The following BEND4 variants were observed in gnomAD, a reference collection of about 807,000 sequenced individuals.
BEND4 encodes BEN domain-containing protein 4.
A neutral mutation model predicts 54.7 loss-of-function variants in BEND4; 27 were observed. The observed-to-expected ratio is 0.49, with a 90% CI of 0.36 to 0.68. The LOEUF (loss-of-function observed/expected upper bound fraction) is 0.68, where lower values mean the gene tolerates loss of function less well. Among genes scored for constraint, BEND4 ranks in the 30% least tolerant of loss-of-function variants. The probability of loss-of-function intolerance (pLI) is 0.00; values close to 1 mark genes in which losing one functional copy is unlikely to be tolerated. For missense variants in BEND4, 702 were observed against 697.2 expected (o/e 1.01, Z -0.08); for synonymous variants, 327 against 299.5 (o/e 1.09, Z -0.95).
At chr4:42,144,056 C>A in intron 2 of BEND4, 62 bp from the exon 3 acceptor site, 2 of 1,193,834 alleles carry the variant, frequency 1.7e-6, no homozygotes, top group South Asian at 1.3e-5. Context: ...AAATAAAGTC[C>A]TCAATTTTCA....
At chr4:42,131,242 A>G (rs1171751462) in intron 3 of BEND4, among the ~76,000 whole-genome samples, 2 of 152,184 alleles carry the variant, frequency 1.3e-5, no homozygotes, top group Non-Finnish European at 2.9e-5. Context: ...AATAAAATAA[A>G]TTTACATTAA....
At chr4:42,128,362 G>A (rs1030434748) in intron 3 of BEND4, among the ~76,000 whole-genome samples, 2 of 152,184 alleles carry the variant, frequency 1.3e-5, no homozygotes, top group Non-Finnish European at 2.9e-5. Context: ...AGTGGCTCAC[G>A]CCTGTTATCC....
intron 3 of BEND4, among the ~76,000 whole-genome samples, chr4:42,142,565 G>A (rs1720925774): frequency 9.3e-5 from 14 of 150,752 alleles, no homozygotes; most frequent in Admixed American, 8.6e-4. Context: ...CCCAGGAGAC[G>A]GAGGTTGCAG....
chr4:42,118,960 G>A (rs747214843), intron 5 of BEND4, among the ~76,000 whole-genome samples: 34 of 152,164 alleles, frequency 2.2e-4, no homozygotes, highest in Non-Finnish European at 4.1e-4. Flanking sequence ...CGTCTCAGGT[G>A]GCTTCCTGAA....
intron 3 of BEND4, among the ~76,000 whole-genome samples, chr4:42,129,978 G>A (rs996490013): frequency 3.3e-5 from 5 of 152,098 alleles, no homozygotes; most frequent in African/African-American, 1.2e-4. Context: ...CAGAATGGGA[G>A]AAAATTTCTG....
At position 42,152,188 on chromosome 4, in the gene BEND4, C is replaced by A; in HGVS notation, c.-45G>T. 1 of 1,235,144 alleles carries A rather than the reference C, an allele frequency of 8.1e-7. No homozygotes were observed. Among genetic ancestry groups the A allele is most frequent in the Admixed American group, 4.3e-5 (1 of 23,366 alleles). The allele number at this position is 1,235,144 out of a possible 1,614,324, so 76.5% of individuals were successfully genotyped here. A position where few individuals can be genotyped will look rare whatever the true frequency, so the allele number is the denominator to read the frequency against. Reference sequence around the variant, plus strand: ...CCCTCGGAGCACGTCCCCTCCCCGCCGGGCGCCGGGCTCCGAGGGTGCCTC... The same window carrying A: ...CCCTCGGAGCACGTCCCCTCCCCGCAGGGCGCCGGGCTCCGAGGGTGCCTC... On this transcript the variant is annotated 5_prime_UTR_variant, in exon 2 of 6. Coordinates refer to ENST00000502486, the MANE Select transcript of BEND4 (RefSeq NM_207406.4).
In BEND4 at chr4:42,115,831, T is replaced by C. The variant is rs1472471563; in HGVS notation, c.*1687A>G. ...CTAATTTGCCCCAAATAGAATTGAATATTGGTTCTCCCTATTCCATTGAAT... is the reference window on the plus strand; with the variant it reads ...CTAATTTGCCCCAAATAGAATTGAACATTGGTTCTCCCTATTCCATTGAAT... On this transcript the variant is annotated 3_prime_UTR_variant, in exon 6 of 6. Coordinates refer to ENST00000502486, the MANE Select transcript of BEND4 (RefSeq NM_207406.4). 6.8e-6 allele frequency: 1 copy of C among 146,824 alleles called. No homozygotes were observed. The highest frequency in any genetic ancestry group is 1.5e-5 in the Non-Finnish European group (1 of 67,752). 9.1% of individuals were successfully genotyped at this position (146,824 alleles called of 1,614,324 possible).
In BEND4 at chr4:42,152,134, C is replaced by G. The variant is rs1721325927; in HGVS notation, c.10G>C (p.Glu4Gln). Reference sequence around the variant, plus strand: ...GGCCCCTCCTCTGCCGGCTGCATCTCTTCCTCCATCCGGCGCCTCGGGGCC... The same window carrying G: ...GGCCCCTCCTCTGCCGGCTGCATCTGTTCCTCCATCCGGCGCCTCGGGGCC... The part of the protein sequence containing the change: MEE[E>Q]MQPAEEGPSV... The change falls in exon 2 of 6, where the codon GAG becomes CAG. Residue 4 changes from glutamate (E) to glutamine (Q), a missense_variant. Physicochemically the swap from Glu to Gln is conservative, Grantham distance 29. Transcript: ENST00000502486. 1 of 1,244,530 alleles carries G rather than the reference C, an allele frequency of 8.0e-7. No homozygotes were observed. The highest frequency in any genetic ancestry group is 1.0e-6 in the Non-Finnish European group (1 of 985,768). 77.1% of individuals were successfully genotyped at this position (1,244,530 alleles called of 1,614,324 possible).
chr4:42,120,403 G>A, intron 4 of BEND4, 109 bp from the exon 5 acceptor site: 1 of 1,363,494 alleles, frequency 7.3e-7, no homozygotes, highest in Non-Finnish European at 1.0e-6. Flanking sequence ...TGGCTATGCT[G>A]ACAATGAACC....
chr4:42,128,755 T>C (rs1305520858), intron 3 of BEND4, among the ~76,000 whole-genome samples: 2 of 149,248 alleles, frequency 1.3e-5, no homozygotes, highest in Non-Finnish European at 3.0e-5. Context: ...AAACCCCGTC[T>C]CTACTAAAAA....
intron 3 of BEND4, among the ~76,000 whole-genome samples, chr4:42,133,120 C>A (rs1196716253): frequency 6.6e-6 from 1 of 152,186 alleles, no homozygotes; most frequent in African/African-American, 2.4e-5. Context: ...AATAATACTG[C>A]CTAGTGTAAA....
chr4:42,138,204 G>T (rs1424182920), intron 3 of BEND4, among the ~76,000 whole-genome samples: 2 of 152,156 alleles, frequency 1.3e-5, no homozygotes, highest in Non-Finnish European at 2.9e-5. Flanking sequence ...CAGACAAGTG[G>T]ATAAAGAAAC....
rs534893830 is a variant in BEND4, at chr4:42,129,526, C to T, written c.1055-3852G>A. Among the ~76,000 whole-genome samples the T allele has an allele frequency of 2.6e-5, 4 of 152,180 alleles. No individual in the cohort carries two copies. The South Asian group carries it at 8.3e-4, about 32-fold the overall frequency. On this transcript the variant is annotated intron_variant, in intron 3 of 5. Transcript: ENST00000502486. ...CTACAGTAGGCAAAACAGCATGCTA[C>T]TGGTACAAAAACAGACACACAGACC... is the stretch of plus-strand genomic sequence containing the variant.
chr4:42,143,187 G>A (rs760055644), intron 3 of BEND4, among the ~76,000 whole-genome samples: 3 of 152,236 alleles, frequency 2.0e-5, no homozygotes, highest in East Asian at 1.9e-4. Context: ...ACAAGAACAC[G>A]GTGGCTGGAA....
intron 3 of BEND4, among the ~76,000 whole-genome samples, chr4:42,129,420 A>T (rs1025663499): frequency 6.6e-6 from 1 of 152,228 alleles, no homozygotes; most frequent in South Asian, 2.1e-4. Context: ...AATTAGAAAA[A>T]ACTACTTTCA....
At chr4:42,137,184 G>A (rs1400695856) in intron 3 of BEND4, among the ~76,000 whole-genome samples, 1 of 152,138 alleles carries the variant, frequency 6.6e-6, no homozygotes, top group Non-Finnish European at 1.5e-5. Context: ...ATTAATATTT[G>A]CTGTGGCCCC....
chr4:42,122,464 C>T (rs1002582983), intron 4 of BEND4, among the ~76,000 whole-genome samples: 5 of 152,280 alleles, frequency 3.3e-5, no homozygotes, highest in Admixed American at 6.5e-5. Flanking sequence ...GAATGGCTGA[C>T]GCAGTAGAGC....
intron 3 of BEND4, among the ~76,000 whole-genome samples, chr4:42,139,724 G>A (rs533520209): frequency 1.9e-4 from 29 of 152,046 alleles, no homozygotes; most frequent in Non-Finnish European, 1.3e-4. Flanking sequence ...ACTGCTGAGC[G>A]TTGCGTTCTC....
chr4:42,148,694 TGACA>T (rs935334542), intron 2 of BEND4, among the ~76,000 whole-genome samples: 13 of 152,236 alleles, frequency 8.5e-5, no homozygotes, highest in African/African-American at 3.1e-4. Context: ...CTCAAAAGCT[TGACA>T]GTCAGGTTAA....
Sources: allele counts gnomAD v4.1 joint callset (sites outside exome capture counted in the v4.1 genomes callset), GRCh38; gene constraint gnomAD v4.1.1; transcripts MANE v1.5; gene names NCBI Gene and HGNC (gene_info 2026-07-23, HGNC 2026-07-21).